The following API5 variants were observed in gnomAD, a reference collection of about 807,000 sequenced individuals.
The protein encoded by API5 is apoptosis inhibitor 5.
Under a neutral mutation model 71.9 loss-of-function variants are expected in API5, and 6 were observed. That is an observed-to-expected ratio of 0.08 (90% CI 0.05 to 0.16). API5 has a LOEUF of 0.16. Ranked by LOEUF, API5 falls within the 10% of genes least tolerant of loss-of-function variation. The pLI, the probability that API5 is intolerant of heterozygous loss-of-function variation, is 1.00. For missense variants in API5, 332 were observed against 612.8 expected (o/e 0.54, Z 4.84); for synonymous variants, 189 against 221.3 (o/e 0.85, Z 1.30).
At chr11:43,333,703 G>T (rs1855334412) in intron 11 of API5, among the ~76,000 whole-genome samples, 1 of 152,180 alleles carries the variant, frequency 6.6e-6, no homozygotes, top group South Asian at 2.1e-4. Context: ...TTATTGTAAA[G>T]AGGTAACAGT....
At chr11:43,339,353 C>T (rs148908789) in intron 13 of API5, 4 of 152,248 alleles carry the variant, frequency 2.6e-5, no homozygotes, top group Admixed American at 6.5e-5. Flanking sequence ...GATTGTGGAT[C>T]AAAAACAGCA....
At chr11:43,329,861 G>A in intron 9 of API5, 104 bp from the exon 10 acceptor site, 1 of 873,412 alleles carries the variant, frequency 1.1e-6, no homozygotes, top group Non-Finnish European at 1.8e-6. Context: ...TACTGGTCAT[G>A]TAACCATTTC....
At chr11:43,337,950 G>A (rs553521247) in intron 13 of API5, among the ~76,000 whole-genome samples, 1 of 152,258 alleles carries the variant, frequency 6.6e-6, no homozygotes, top group South Asian at 2.1e-4. Context: ...ACTTTAGATT[G>A]TATACAGTGT....
Position 43,335,227 on chromosome 11 carries a change from C to G in API5, c.1279-51C>G, listed in dbSNP as rs763740880. 2.6e-5 allele frequency: 35 copies of G among 1,355,040 alleles called. No individual in the cohort carries two copies. In the Admixed American group the frequency reaches 5.9e-4, roughly 23 times the overall value. 83.9% of individuals were successfully genotyped at this position (1,355,040 alleles called of 1,614,324 possible). A position where few individuals can be genotyped will look rare whatever the true frequency, so the allele number is the denominator to read the frequency against. Reference sequence around the variant, plus strand: ...TCGTTTCCTACCCTCACCACCACTCCCTGCCACCAACAAATACATTAGAAT... The same window carrying G: ...TCGTTTCCTACCCTCACCACCACTCGCTGCCACCAACAAATACATTAGAAT... On this transcript the variant is annotated intron_variant, in intron 11 of 13. Coordinates refer to ENST00000531273, the MANE Select transcript of API5 (RefSeq NM_001142930.2).
Position 43,314,355 on chromosome 11 carries a change from C to T in API5, c.69+2159C>T, listed in dbSNP as rs186424441. ...AACCGTATACATAATGCTGTCCATC[C>T]CCTACTCTAATTTTGAGAGTTGCTT... On this transcript the variant is annotated intron_variant, in intron 1 of 13. Coordinates refer to ENST00000531273, the MANE Select transcript of API5 (RefSeq NM_001142930.2). Among the ~76,000 whole-genome samples, 7 of 152,212 alleles carry T rather than the reference C, an allele frequency of 4.6e-5. No homozygotes were observed. The East Asian group carries it at 1.2e-3, about 25-fold the overall frequency.
At chr11:43,313,424 C>T (rs1369786845) in intron 1 of API5, among the ~76,000 whole-genome samples, 1 of 152,162 alleles carries the variant, frequency 6.6e-6, no homozygotes, top group Non-Finnish European at 1.5e-5. Flanking sequence ...TTTTAGAAAT[C>T]CCACACCATA....
chr11:43,320,960 T>C (rs1412705612), intron 3 of API5, 46 bp downstream of exon 3: 2 of 1,483,446 alleles, frequency 1.3e-6, no homozygotes. Context: ...TATATCTTCT[T>C]TCTGAAATGT....
intron 11 of API5, among the ~76,000 whole-genome samples, 193 bp downstream of exon 11, chr11:43,330,757 G>T (rs193195907): frequency 6.6e-6 from 1 of 152,140 alleles, no homozygotes; most frequent in Non-Finnish European, 1.5e-5. Context: ...ATTAGCTGTT[G>T]GGTTCTTTTG....
intron 13 of API5, among the ~76,000 whole-genome samples, chr11:43,337,660 T>C (rs558245827): frequency 2.0e-5 from 3 of 152,322 alleles, no homozygotes; most frequent in African/African-American, 7.2e-5. Flanking sequence ...GGGAAAGGAT[T>C]CTCCGTTACT....
rs748402174 is a variant in API5, at chr11:43,342,423, C to T, written c.1493-5C>T. 4.4e-6 allele frequency: 7 copies of T among 1,586,894 alleles called. No homozygotes were observed. The East Asian group carries it at 9.0e-5, about 20-fold the overall frequency. On this transcript the variant is annotated splice_polypyrimidine_tract_variant and splice_region_variant and intron_variant, in intron 13 of 13. Transcript: ENST00000531273. ...AGACCTAAACCCTTGTTCGCTTTTT[C>T]GTAGAGCAGAGAGGAGCCTTCAGGG...
chr11:43,322,273 T>G (rs1854921260), intron 5 of API5, 137 bp downstream of exon 5: 1 of 753,542 alleles, frequency 1.3e-6, no homozygotes, highest in Non-Finnish European at 1.9e-6. Context: ...ACCATAGAAC[T>G]TCTAAGTTTT....
At chr11:43,312,397 G>A (rs1381598609) in intron 1 of API5, among the ~76,000 whole-genome samples, 1 of 152,180 alleles carries the variant, frequency 6.6e-6, no homozygotes, top group Non-Finnish European at 1.5e-5. Flanking sequence ...GGTCCCCAGG[G>A]TTCCAGGCTT....
At chr11:43,335,254 C>T (rs750037213) in intron 11 of API5, 24 bp from the exon 12 acceptor site, 13 of 1,542,868 alleles carry the variant, frequency 8.4e-6, no homozygotes, top group South Asian at 1.1e-5. Flanking sequence ...CATTAGAATT[C>T]TTGCCTGATT....
At chr11:43,317,364 G>C (rs1170471499) in intron 1 of API5, among the ~76,000 whole-genome samples, 1 of 152,074 alleles carries the variant, frequency 6.6e-6, no homozygotes, top group Non-Finnish European at 1.5e-5. Context: ...ATGAGTATTT[G>C]AGGGAGAGCA....
chr11:43,341,409 T>C (rs766946352), intron 13 of API5, among the ~76,000 whole-genome samples: 12 of 152,058 alleles, frequency 7.9e-5, no homozygotes, highest in Admixed American at 2.0e-4. Context: ...TATTCAGCCA[T>C]AAAAAAAGAA....
intron 1 of API5, 169 bp from the exon 2 acceptor site, chr11:43,318,471 G>A (rs536271922): frequency 1.8e-5 from 28 of 1,536,078 alleles, no homozygotes; most frequent in Middle Eastern, 3.3e-4. Flanking sequence ...GAGGGAGAAC[G>A]GAATTGGGAA....
intron 1 of API5, among the ~76,000 whole-genome samples, chr11:43,316,118 TGTA>T (rs1472438310): frequency 6.7e-6 from 1 of 149,784 alleles, no homozygotes; most frequent in Non-Finnish European, 1.5e-5. Context: ...TAACCACTCT[TGTA>T]GTAGGGTTTT....
intron 13 of API5, among the ~76,000 whole-genome samples, chr11:43,339,786 T>A (rs1855553556): frequency 6.6e-6 from 1 of 152,216 alleles, no homozygotes; most frequent in South Asian, 2.1e-4. Flanking sequence ...AAAAATTGCA[T>A]ATTTATTGCA....
intron 1 of API5, 106 bp from the exon 2 acceptor site, chr11:43,318,534 C>T (rs1854755081): frequency 1.3e-6 from 2 of 1,568,732 alleles, no homozygotes; most frequent in Non-Finnish European, 8.6e-7. Context: ...TATTTCTTAG[C>T]CTGTGTAAAA....
Sources: gnomAD v4.1 joint callset for allele counts (sites outside exome capture counted in the v4.1 genomes callset) on GRCh38, gnomAD v4.1.1 for gene constraint, MANE v1.5 for transcripts, NCBI Gene and HGNC (gene_info 2026-07-23, HGNC 2026-07-21) for gene names.